FAM135B: variants seen among roughly 807,000 people sequenced by gnomAD.
FAM135B encodes the protein family with sequence similarity 135 member B.
Under a neutral mutation model 127.7 loss-of-function variants are expected in FAM135B, and 43 were observed. That is an observed-to-expected ratio of 0.34 (90% CI 0.26 to 0.43). The LOEUF is 0.43. FAM135B is among the 20% of genes least tolerant of loss of function. The pLI, the probability that FAM135B is intolerant of heterozygous loss-of-function variation, is 1.00. For missense variants in FAM135B, 1,558 were observed against 1,725.6 expected, an observed-to-expected ratio of 0.90 and a Z score of 1.72; for synonymous variants, 670 against 665.1, an observed-to-expected ratio of 1.01 and a Z score of -0.11.
At chr8:138,386,060 T>TA (rs1298236986) in intron 1 of FAM135B, among the ~76,000 whole-genome samples, 1 of 150,294 alleles carries the variant, frequency 6.7e-6, no homozygotes. Flanking sequence ...CTACTAAAAA[T>TA]AAAAAAGTAG....
At chr8:138,468,339 C>T (rs969430954) in intron 1 of FAM135B, among the ~76,000 whole-genome samples, 1 of 152,086 alleles carries the variant, frequency 6.6e-6, no homozygotes, top group Non-Finnish European at 1.5e-5. Context: ...AATTTTATTG[C>T]GTTTTCTGAG....
chr8:138,406,589 G>T (rs1833509666), intron 1 of FAM135B, among the ~76,000 whole-genome samples: 1 of 152,106 alleles, frequency 6.6e-6, no homozygotes, highest in African/African-American at 2.4e-5. Context: ...TCCCTGGGAT[G>T]CAAGGCTGGT....
chr8:138,176,349 C>A (rs1331378028), intron 11 of FAM135B, among the ~76,000 whole-genome samples: 1 of 152,212 alleles, frequency 6.6e-6, no homozygotes, highest in Non-Finnish European at 1.5e-5. Flanking sequence ...CTCAGTGACC[C>A]TCACGGTTAT....
chr8:138,218,776 G>C (rs1327560162), intron 7 of FAM135B, among the ~76,000 whole-genome samples: 622 of 49,468 alleles, frequency 0.013, 4 homozygotes, highest in East Asian at 0.053. Flanking sequence ...CAGAGAGAGA[G>C]AGAGAGAGAG....
rs551254795 is a variant in FAM135B at position 138,488,114 on chromosome 8, C to T, written c.-20+8557G>A. Among the ~76,000 whole-genome samples, 10 of 152,248 alleles carry T rather than the reference C, an allele frequency of 6.6e-5. No individual in the cohort carries two copies. The South Asian group carries it at 2.1e-3, about 32-fold the overall frequency. On this transcript the variant is annotated intron_variant, in intron 1 of 19. Coordinates refer to ENST00000395297, the MANE Select transcript of FAM135B (RefSeq NM_015912.4). ...AGCAAGCAACCAGCCTACAAGGTGC[C>T]CCTGAACTGGAAGGCCACCTTCTGA...
chr8:138,171,475 T>C (rs562006695), intron 11 of FAM135B, among the ~76,000 whole-genome samples: 2 of 152,228 alleles, frequency 1.3e-5, no homozygotes, highest in Non-Finnish European at 2.9e-5. Context: ...ATAATGCTTA[T>C]TGTTTAGCAC....
chr8:138,301,558 C>T (rs1357650423), intron 3 of FAM135B, among the ~76,000 whole-genome samples: 1 of 152,104 alleles, frequency 6.6e-6, no homozygotes, highest in Non-Finnish European at 1.5e-5. Context: ...GCTCTGTCTT[C>T]AGATGTGGCT....
chr8:138,200,346 T>C (rs1817012450), intron 7 of FAM135B, among the ~76,000 whole-genome samples: 1 of 152,214 alleles, frequency 6.6e-6, no homozygotes, highest in Non-Finnish European at 1.5e-5. Flanking sequence ...TTTCCTATTA[T>C]ATTAAGGTTT....
chr8:138,240,425 C>T (rs902571104), intron 7 of FAM135B, among the ~76,000 whole-genome samples: 2 of 152,234 alleles, frequency 1.3e-5, no homozygotes, highest in African/African-American at 4.8e-5. Context: ...GCCCCTCACT[C>T]CACAGCTGCC....
At chr8:138,198,543 G>C (rs1384693197) in intron 7 of FAM135B, among the ~76,000 whole-genome samples, 1 of 152,198 alleles carries the variant, frequency 6.6e-6, no homozygotes, top group African/African-American at 2.4e-5. Flanking sequence ...AAGTGTCATC[G>C]TAATGTAGAA....
At chr8:138,331,184 G>T (rs1334589774) in intron 2 of FAM135B, among the ~76,000 whole-genome samples, 1 of 152,132 alleles carries the variant, frequency 6.6e-6, no homozygotes. Flanking sequence ...TTAATGCAAA[G>T]TTCCAAAAAC....
At position 138,340,483 on chromosome 8, in the gene FAM135B, C is replaced by T. The variant is rs184916524; in HGVS notation, c.77+27424G>A. 2.3e-4 allele frequency among the ~76,000 whole-genome samples: 35 copies of T among 152,222 alleles called. No individual in the cohort carries two copies. The Middle Eastern group carries it at 0.01, about 44-fold the overall frequency. ...TCCTTATTATCATCCACAAACAGTA[C>T]GCTGACATAGACGGAGAGAGGATGA... On this transcript the variant is annotated intron_variant, in intron 2 of 19. Coordinates refer to ENST00000395297, the MANE Select transcript of FAM135B (RefSeq NM_015912.4).
rs372067880 is a variant in FAM135B at position 138,167,953 on chromosome 8, G to T, written c.1200C>A (p.Gly400=). 1 of 1,613,844 alleles carries T rather than the reference G, an allele frequency of 6.2e-7. No homozygotes were observed. Among genetic ancestry groups the T allele is most frequent in the East Asian group, 2.2e-5 (1 of 44,848 alleles). ...PLPAECLDID[G]DWNTLPVIFE... is the part of the protein sequence containing the mutation. ...AGATCACCGGCAGGGTGTTCCAATC[G>T]CCGTCGATGTCCAGGCACTCTGCAG... The change falls in exon 12 of 20, where the codon GGC becomes GGA. Residue 400 remains glycine, a synonymous_variant. Coordinates refer to ENST00000395297, the MANE Select transcript of FAM135B (RefSeq NM_015912.4).
intron 1 of FAM135B, among the ~76,000 whole-genome samples, chr8:138,408,234 C>A (rs1336741169): frequency 6.6e-6 from 1 of 152,098 alleles, no homozygotes; most frequent in Non-Finnish European, 1.5e-5. Flanking sequence ...TCTTTTTCCT[C>A]TATAAGGCTG....
chr8:138,422,468 G>A (rs1036988873), intron 1 of FAM135B, among the ~76,000 whole-genome samples: 4 of 151,846 alleles, frequency 2.6e-5, no homozygotes, highest in African/African-American at 9.7e-5. Context: ...GACATGAACA[G>A]ACACTTCTCA....
At chr8:138,305,311 A>G (rs2130864334) in intron 3 of FAM135B, among the ~76,000 whole-genome samples, 1 of 152,268 alleles carries the variant, frequency 6.6e-6, no homozygotes, top group South Asian at 2.1e-4. Flanking sequence ...TTTGTGCCTA[A>G]TCATTTGCTG....
At chr8:138,422,048 G>A (rs962779938) in intron 1 of FAM135B, among the ~76,000 whole-genome samples, 7 of 152,118 alleles carry the variant, frequency 4.6e-5, no homozygotes, top group Non-Finnish European at 8.8e-5. Context: ...AAATTGTGCT[G>A]GGATAACTGG....
chr8:138,339,934 G>A (rs992437634), intron 2 of FAM135B, among the ~76,000 whole-genome samples: 3 of 152,144 alleles, frequency 2.0e-5, no homozygotes, highest in African/African-American at 4.8e-5. Flanking sequence ...ACCCCCATCC[G>A]GTCCAGCCTG....
chr8:138,434,025 A>C (rs1835338133), intron 1 of FAM135B, among the ~76,000 whole-genome samples: 1 of 152,216 alleles, frequency 6.6e-6, no homozygotes, highest in Admixed American at 6.5e-5. Flanking sequence ...ATTACTAAAT[A>C]AAAGCAGCAT....
Sources: allele counts gnomAD v4.1 joint callset (sites outside exome capture counted in the v4.1 genomes callset), GRCh38; gene constraint gnomAD v4.1.1; transcripts MANE v1.5; gene names NCBI Gene and HGNC (gene_info 2026-07-23, HGNC 2026-07-21).